The following COG7 variants were observed in gnomAD, a reference collection of about 807,000 sequenced individuals.
The protein encoded by COG7 is conserved oligomeric Golgi complex subunit 7.
COG7 carries 49 observed loss-of-function variants against 91.5 expected under a neutral mutation model. That is an observed-to-expected ratio of 0.54 (90% CI 0.43 to 0.68). COG7 has a LOEUF of 0.68. Ranked by LOEUF, COG7 falls within the 30% of genes least tolerant of loss-of-function variation. The pLI is 0.00. For missense variants in COG7, 895 were observed against 961.3 expected (o/e 0.93, Z 0.91); for synonymous variants, 365 against 388.7 (o/e 0.94, Z 0.72).
intron 9 of COG7, chr16:23,414,889 G>T (rs1440528105): frequency 1.3e-5 from 2 of 152,256 alleles, no homozygotes; most frequent in Non-Finnish European, 2.9e-5. Context: ...CATCACAAGA[G>T]GCCTTGCCGC....
chr16:23,403,647 TGGAGGCAGGACCCG>T (rs773554669), intron 13 of COG7, 33 bp downstream of exon 13: 53 of 1,612,050 alleles, frequency 3.3e-5, no homozygotes, highest in Non-Finnish European at 4.0e-5. Flanking sequence ...ATGCTTGAGT[TGGAGGCAGGACCCG>T]GGAAAAATTG....
rs371830851 is a variant in COG7, at chr16:23,431,651, A to C, written c.810+1894T>G. Among the ~76,000 whole-genome samples, 60 of 151,862 alleles carry C rather than the reference A, an allele frequency of 4.0e-4. 2 individuals carry two copies. Among genetic ancestry groups the C allele is most frequent in the African/African-American group, 8.9e-4 (37 of 41,420 alleles). On this transcript the variant is annotated intron_variant, in intron 6 of 16. Coordinates refer to ENST00000307149, the MANE Select transcript of COG7 (RefSeq NM_153603.4). Reference sequence around the variant, plus strand: ...TGGTGAAACCCCATCTGTACTAAAAACACAAAAATTAGCTGGGAGTGGTGG... The same window carrying C: ...TGGTGAAACCCCATCTGTACTAAAACCACAAAAATTAGCTGGGAGTGGTGG...
intron 4 of COG7, among the ~76,000 whole-genome samples, chr16:23,440,317 A>C (rs1472060401): frequency 6.6e-6 from 1 of 151,432 alleles, no homozygotes; most frequent in East Asian, 1.9e-4. Flanking sequence ...TGAACCCAGG[A>C]GGCAGACATC....
intron 13 of COG7, among the ~76,000 whole-genome samples, chr16:23,400,369 T>A (rs1177028165): frequency 6.6e-6 from 1 of 151,956 alleles, no homozygotes; most frequent in Non-Finnish European, 1.5e-5. Flanking sequence ...TCCTTGGTGG[T>A]TTGTCGGCAA....
intron 13 of COG7, 58 bp from the exon 14 acceptor site, chr16:23,398,187 G>A (rs546896991): frequency 1.3e-4 from 178 of 1,380,584 alleles, no homozygotes; most frequent in Non-Finnish European, 1.6e-4. Context: ...CTGTGAAGAC[G>A]CCACCCAGAA....
chr16:23,418,951 T>G (rs1963704413), intron 7 of COG7, 124 bp from the exon 8 acceptor site: 2 of 817,050 alleles, frequency 2.4e-6, no homozygotes, highest in Admixed American at 4.0e-5. Flanking sequence ...GGGACTATAT[T>G]TTGTTAAGCA....
rs752030445 is a variant in COG7, at chr16:23,389,042, G to A, written c.2191C>T (p.Arg731Cys). 11 of 1,614,042 alleles carry A rather than the reference G, an allele frequency of 6.8e-6. No individual in the cohort carries two copies. The highest frequency in any genetic ancestry group is 6.6e-5 in the South Asian group (6 of 91,074). Reference protein sequence around the residue: ...VMDALGLQPSRTLQHIVTLLK... With the variant: ...VMDALGLQPSCTLQHIVTLLK... The stretch of plus-strand genomic sequence containing the variant: ...AGCGTCACGATGTGCTGGAGGGTGC[G>A]GGACGGCTGCAGGCCCAGGGCATCC... Residue 731 changes from arginine to cysteine, a missense_variant, in exon 17 of 17, where the codon CGC becomes TGC. Physicochemically the swap from Arg to Cys is radical, Grantham distance 180 (BLOSUM62 -3). Transcript: ENST00000307149.
chr16:23,398,926 T>C (rs1296818495), intron 13 of COG7, among the ~76,000 whole-genome samples: 1 of 152,208 alleles, frequency 6.6e-6, no homozygotes, highest in Non-Finnish European at 1.5e-5. Context: ...AAAGGACCTG[T>C]GCACATGTGC....
At chr16:23,437,191 C>G (rs966352025) in intron 4 of COG7, among the ~76,000 whole-genome samples, 36 of 152,170 alleles carry the variant, frequency 2.4e-4, no homozygotes, top group African/African-American at 8.0e-4. Flanking sequence ...CAAAAGCTGT[C>G]AAAAACTGCT....
At chr16:23,393,096 A>C in intron 15 of COG7, 137 bp downstream of exon 15, 1 of 712,216 alleles carries the variant, frequency 1.4e-6, no homozygotes, top group Non-Finnish European at 2.6e-6. Context: ...GCATGTGTAC[A>C]AAAAGTACAT....
chr16:23,420,501 A>T (rs1421763845), intron 7 of COG7, among the ~76,000 whole-genome samples: 1 of 152,014 alleles, frequency 6.6e-6, no homozygotes, highest in Admixed American at 6.6e-5. Flanking sequence ...TCAGTTCCTA[A>T]AAGCTTCCTT....
At chr16:23,425,147 TAA>T (rs1963825261) in intron 6 of COG7, among the ~76,000 whole-genome samples, 200 bp from the exon 7 acceptor site, 1 of 152,092 alleles carries the variant, frequency 6.6e-6, no homozygotes, top group Non-Finnish European at 1.5e-5. Context: ...CTGTCTCTAC[TAA>T]AAATACAAAA....
rs997042626 is a variant in COG7, at chr16:23,392,536, G to A, written c.2003-13C>T. ...GGCAATTCATCCCCTGAAAAGAAAA[G>A]GAGGTCACCAAGGAAAACACAGGCC... is the stretch of plus-strand genomic sequence containing the variant. On this transcript the variant is annotated splice_polypyrimidine_tract_variant and intron_variant, in intron 15 of 16. Coordinates refer to ENST00000307149, the MANE Select transcript of COG7 (RefSeq NM_153603.4). The A allele has an allele frequency of 2.5e-6, 4 of 1,614,022 alleles. No homozygotes were observed. In the African/African-American group the frequency reaches 4.0e-5, roughly 16 times the overall value.
Position 23,445,044 on chromosome 16 carries a change from C to A in COG7, c.435+4G>T. 6.2e-7 allele frequency: 1 copy of A among 1,606,618 alleles called. No individual in the cohort carries two copies. The highest frequency in any genetic ancestry group is 1.1e-5 in the South Asian group (1 of 90,950). ...TCATAACATCCCCTAAACAAGAAACCTACCTGAGTCTTAAATGTCTCCTCA... is the reference window on the plus strand; with the variant it reads ...TCATAACATCCCCTAAACAAGAAACATACCTGAGTCTTAAATGTCTCCTCA... On this transcript the variant is annotated splice_donor_region_variant and intron_variant, in intron 3 of 16. Coordinates refer to ENST00000307149, the MANE Select transcript of COG7 (RefSeq NM_153603.4).
chr16:23,432,439 C>T (rs966183035), intron 6 of COG7, among the ~76,000 whole-genome samples: 8 of 152,018 alleles, frequency 5.3e-5, no homozygotes, highest in African/African-American at 1.9e-4. Flanking sequence ...TCACTGCAAT[C>T]TATTTCAATA....
At chr16:23,395,767 C>T (rs968662764) in intron 14 of COG7, among the ~76,000 whole-genome samples, 1 of 152,238 alleles carries the variant, frequency 6.6e-6, no homozygotes, top group African/African-American at 2.4e-5. Context: ...ACTATTCTCA[C>T]ATATGCAATC....
chr16:23,445,708 T>C (rs1191388794), intron 2 of COG7, 105 bp downstream of exon 2: 8 of 1,134,048 alleles, frequency 7.1e-6, no homozygotes, highest in South Asian at 2.5e-5. Flanking sequence ...TGAGTGATGG[T>C]TGGCCTCCCA....
chr16:23,444,309 G>C (rs1239062315), intron 3 of COG7, among the ~76,000 whole-genome samples: 1 of 151,998 alleles, frequency 6.6e-6, no homozygotes, highest in African/African-American at 2.4e-5. Flanking sequence ...AATTGAGTAA[G>C]AGTTCTTCAT....
At chr16:23,400,986 G>C (rs575654379) in intron 13 of COG7, among the ~76,000 whole-genome samples, 5 of 150,514 alleles carry the variant, frequency 3.3e-5, no homozygotes, top group Admixed American at 6.6e-5. Context: ...AAAAGGGGGG[G>C]GGGAAAACAG....
Sources: gnomAD v4.1 joint callset for allele counts (sites outside exome capture counted in the v4.1 genomes callset) on GRCh38, gnomAD v4.1.1 for gene constraint, MANE v1.5 for transcripts, NCBI Gene and HGNC (gene_info 2026-07-23, HGNC 2026-07-21) for gene names.